Variants in FSD1L observed in about 807,000 individuals in gnomAD.
FSD1L encodes fibronectin type III and SPRY domain containing 1 like, also known as FSD1-like protein.
A neutral mutation model predicts 71.6 loss-of-function variants in FSD1L; 45 were observed. The observed-to-expected ratio is 0.63, with a 90% CI of 0.49 to 0.81. The LOEUF is 0.81. Among genes scored for constraint, FSD1L ranks in the 30% least tolerant of loss-of-function variants. The probability of loss-of-function intolerance (pLI) is 0.00; values close to 1 mark genes in which losing one functional copy is unlikely to be tolerated. For missense variants in FSD1L, 561 were observed against 618.1 expected (o/e 0.91, Z 0.98); for synonymous variants, 197 against 207.2 (o/e 0.95, Z 0.42).
intron 10 of FSD1L, chr9:105,525,558 T>G: frequency 6.2e-7 from 1 of 1,612,610 alleles, no homozygotes; most frequent in Non-Finnish European, 8.5e-7. Flanking sequence ...TGCTTCTTAG[T>G]ATATTGGGAA....
intron 4 of FSD1L, among the ~76,000 whole-genome samples, 167 bp from the exon 5 acceptor site, chr9:105,471,737 T>C (rs1339740200): frequency 6.8e-6 from 1 of 147,720 alleles, no homozygotes; most frequent in Non-Finnish European, 1.5e-5. Context: ...TATATATATA[T>C]ATATATATAA....
upstream of FSD1L, among the ~76,000 whole-genome samples, chr9:105,446,366 CTTAT>C (rs59463718): frequency 0.28 from 42,825 of 151,610 alleles, 6,189 homozygotes; most frequent in Non-Finnish European, 0.31. Context: ...ATCCATTTGC[CTTAT>C]TTATTTATTT....
In FSD1L at chr9:105,520,887, G is replaced by A. The variant is rs187367592; in HGVS notation, c.1025+7951G>A. On this transcript the variant is annotated intron_variant, in intron 10 of 13. Transcript: ENST00000481272. ...AGAAGATCTCACAAGCTATTTTCTT[G>A]AAGCACTTCTAAAATACATAGTCAT... The A allele has an allele frequency of 1.5e-5, 24 of 1,612,216 alleles. No homozygotes were observed. In the East Asian group the frequency reaches 3.1e-4, roughly 21 times the overall value.
chr9:105,519,303 A>G (rs907794561), intron 10 of FSD1L, among the ~76,000 whole-genome samples: 1 of 152,214 alleles, frequency 6.6e-6, no homozygotes, highest in African/African-American at 2.4e-5. Flanking sequence ...AACTCATTTT[A>G]TCAGGCCAGC....
intron 10 of FSD1L, among the ~76,000 whole-genome samples, chr9:105,516,601 C>G (rs1834741090): frequency 6.6e-6 from 1 of 152,176 alleles, no homozygotes; most frequent in South Asian, 2.1e-4. Context: ...GCAGAGGGGC[C>G]TGACTGTTAG....
At position 105,481,218 on chromosome 9, in the gene FSD1L, C is replaced by T. The variant is rs368703461; in HGVS notation, c.464+1842C>T. Reference sequence around the variant, plus strand: ...TTTTTTTTTTTTGCTTGTTCAAACCCTATAGCATTTTTGTGATCCCCTGCA... The same window carrying T: ...TTTTTTTTTTTTGCTTGTTCAAACCTTATAGCATTTTTGTGATCCCCTGCA... On this transcript the variant is annotated intron_variant, in intron 6 of 13. Transcript: ENST00000481272. Among the ~76,000 whole-genome samples the T allele has an allele frequency of 2.3e-5, 3 of 133,256 alleles. No individual in the cohort carries two copies. In the East Asian group the frequency reaches 7.5e-4, roughly 33 times the overall value. The allele number at this position is 133,256 out of a possible 152,430, so 87.4% of individuals were successfully genotyped here.
intron 10 of FSD1L, among the ~76,000 whole-genome samples, chr9:105,518,719 A>G (rs1283973170): frequency 1.3e-5 from 2 of 152,236 alleles, no homozygotes; most frequent in East Asian, 3.8e-4. Flanking sequence ...GGAAAGATCT[A>G]AAATTGACAT....
intron 10 of FSD1L, chr9:105,522,898 G>T: frequency 1.2e-6 from 2 of 1,609,172 alleles, no homozygotes; most frequent in Non-Finnish European, 1.7e-6. Flanking sequence ...AACCAGATGC[G>T]CCCTATTGAT....
At chr9:105,518,731 C>T (rs1046635346) in intron 10 of FSD1L, among the ~76,000 whole-genome samples, 5 of 152,088 alleles carry the variant, frequency 3.3e-5, no homozygotes, top group African/African-American at 1.2e-4. Flanking sequence ...AATTGACATA[C>T]TGACATGAAA....
chr9:105,464,849 A>C (rs567834972), intron 3 of FSD1L, among the ~76,000 whole-genome samples: 1 of 151,862 alleles, frequency 6.6e-6, no homozygotes, highest in Non-Finnish European at 1.5e-5. Flanking sequence ...GTGTGGTGGC[A>C]TACACATGTC....
intron 1 of FSD1L, among the ~76,000 whole-genome samples, chr9:105,460,765 C>T (rs921788896): frequency 9.9e-5 from 15 of 152,092 alleles, no homozygotes; most frequent in Non-Finnish European, 4.4e-5. Context: ...CCAACTTTGA[C>T]GTGGACATTT....
chr9:105,498,206 T>TTATTATTAC (rs1417454793), intron 7 of FSD1L, among the ~76,000 whole-genome samples: 11 of 146,720 alleles, frequency 7.5e-5, no homozygotes, highest in Admixed American at 7.0e-4. Flanking sequence ...ATTATTATTA[T>TTATTATTAC]TATTATTATT....
chr9:105,524,682 C>A, intron 10 of FSD1L: 1 of 1,613,892 alleles, frequency 6.2e-7, no homozygotes, highest in Non-Finnish European at 8.5e-7. Flanking sequence ...TGAGCCTCTG[C>A]GCTCTCCTGA....
At position 105,522,536 on chromosome 9, in the gene FSD1L, A is replaced by G. The variant is rs150902378; in HGVS notation, c.1025+9600A>G. 9,536 of 1,613,714 alleles carry G rather than the reference A, an allele frequency of 5.9e-3. 36 individuals are homozygous for G. Among genetic ancestry groups the G allele is most frequent in the Non-Finnish European group, 7.1e-3 (8,391 of 1,179,638 alleles). On this transcript the variant is annotated intron_variant, in intron 10 of 13. Transcript: ENST00000481272. The stretch of plus-strand genomic sequence containing the variant: ...AAACTGTCGATATTGATGATGCTCA[A>G]ATACTTCCCCGCTCAACTAGAGTCA...
intron 10 of FSD1L, among the ~76,000 whole-genome samples, chr9:105,517,769 C>T (rs556809669): frequency 1.3e-5 from 2 of 152,228 alleles, no homozygotes; most frequent in Admixed American, 1.3e-4. Flanking sequence ...GCAAAATAAC[C>T]AGCTAGCATT....
chr9:105,498,116 A>G (rs1003041970), intron 7 of FSD1L, among the ~76,000 whole-genome samples: 8 of 152,012 alleles, frequency 5.3e-5, no homozygotes, highest in Admixed American at 2.0e-4. Context: ...AAGCACTGGG[A>G]CTACAGGTGT....
intron 1 of FSD1L, 138 bp from the exon 2 acceptor site, chr9:105,461,382 T>G: frequency 2.3e-6 from 1 of 433,644 alleles, no homozygotes; most frequent in South Asian, 7.7e-5. Context: ...ACTCATTAAT[T>G]GTTAAATATT....
chr9:105,469,079 T>C (rs1216427544), intron 4 of FSD1L, among the ~76,000 whole-genome samples: 8 of 152,246 alleles, frequency 5.3e-5, no homozygotes, highest in Admixed American at 5.2e-4. Context: ...ATTCATGTTA[T>C]ATAGCATGTG....
intron 10 of FSD1L, chr9:105,520,928 A>T (rs1385585345): frequency 3.1e-6 from 5 of 1,611,944 alleles, no homozygotes. Context: ...TAAAAAGTTT[A>T]GAATGGAAGA....
Sources: allele counts gnomAD v4.1 joint callset (sites outside exome capture counted in the v4.1 genomes callset), GRCh38; gene constraint gnomAD v4.1.1; transcripts MANE v1.5; gene names NCBI Gene and HGNC (gene_info 2026-07-23, HGNC 2026-07-21).